OR2T12: variants seen among roughly 807,000 people sequenced by gnomAD.
OR2T12 encodes the protein olfactory receptor 2T12.
For synonymous variants in OR2T12, 127 were observed against 160.5 expected (o/e 0.79, Z 1.58); for missense variants, 335 against 404.3 (o/e 0.83, Z 1.47).
At position 248,295,383 on chromosome 1, in the gene OR2T12, G is replaced by A; in HGVS notation, c.196C>T (p.Leu66Phe). The change falls in exon 3 of 3, where the codon CTC becomes TTC. Residue 66 changes from leucine (L) to phenylalanine (F), a missense_variant. Leu to Phe is a conservative substitution (Grantham distance 22). Coordinates refer to ENST00000641276, the MANE Select transcript of OR2T12 (RefSeq NM_001004692.2). ...GTGGAAACCAGCATCATGTCCATGA[G>A]GGAAAGTTGGCTCAGGAGGAAGTAC... ...PMYFLLSQLS[L>F]MDMMLVSTTV... 1 of 1,585,772 alleles carries A rather than the reference G, an allele frequency of 6.3e-7. No individual in the cohort carries two copies. Among genetic ancestry groups the A allele is most frequent in the African/African-American group, 1.4e-5 (1 of 73,732 alleles).
chr1:248,294,397 G>T lies in OR2T12; in HGVS notation c.*219C>A. On this transcript the variant is annotated 3_prime_UTR_variant, in exon 3 of 3. Transcript: ENST00000641276. Reference sequence around the variant, plus strand: ...AAACTTATATCATGGGGTTGTTGTAGGATACAAAGTAATCTATAGGTATTA... The same window carrying T: ...AAACTTATATCATGGGGTTGTTGTATGATACAAAGTAATCTATAGGTATTA... The T allele has an allele frequency of 2.0e-6, 1 of 511,220 alleles. No individual in the cohort carries two copies. 31.7% of individuals were successfully genotyped at this position (511,220 alleles called of 1,614,324 possible).
rs754524455 is a variant in OR2T12 at position 248,302,039 on chromosome 1, T to TA, written c.-189-487dup. ...GAGACATTGAGAGGCCAGAACTTGA[T>TA]AAAAAAAAAAAAAAGAAGTGAAGCC... On this transcript the variant is annotated intron_variant, in intron 1 of 2. Coordinates refer to ENST00000641276, the MANE Select transcript of OR2T12 (RefSeq NM_001004692.2). Among the ~76,000 whole-genome samples the TA allele has an allele frequency of 3.3e-3, 429 of 131,088 alleles. 1 individual carries two copies. The highest frequency in any genetic ancestry group is 5.4e-3 in the African/African-American group (196 of 36,520). The allele number at this position is 131,088 out of a possible 152,430, so 86.0% of individuals were successfully genotyped here. A position where few individuals can be genotyped will look rare whatever the true frequency, so the allele number is the denominator to read the frequency against.
chr1:248,299,917 A>G (rs569471932), intron 2 of OR2T12, among the ~76,000 whole-genome samples: 9 of 152,272 alleles, frequency 5.9e-5, no homozygotes, highest in Admixed American at 5.2e-4. Flanking sequence ...AAACTGAACA[A>G]CCTGCTCCTG....
At position 248,294,896 on chromosome 1, in the gene OR2T12, G is replaced by C. The variant is rs746687390; in HGVS notation, c.683C>G (p.Ser228Cys). 16 of 1,611,998 alleles carry C rather than the reference G, an allele frequency of 9.9e-6. No individual in the cohort carries two copies. The highest frequency in any genetic ancestry group is 1.4e-5 in the Non-Finnish European group (16 of 1,179,866). ...LILAAVLLMR[S>C]TEARKKAFAT... ...AAAGGCCTTCTTGCGGGCTTCTGTA[G>C]AGCGCATGAGCAGAACAGCAGCGAG... The change falls in exon 3 of 3, where the codon TCT becomes TGT. Residue 228 changes from serine to cysteine, a missense_variant. By Grantham distance (112) the Ser-to-Cys change is moderately radical. Transcript: ENST00000641276.
chr1:248,303,214 A>C (rs1022219735), intron 1 of OR2T12, 132 bp downstream of exon 1: 1 of 152,186 alleles, frequency 6.6e-6, no homozygotes, highest in Non-Finnish European at 1.5e-5. Flanking sequence ...CATATTGTAC[A>C]GATAAAATAG....
chr1:248,295,051 G>A lies in OR2T12; in HGVS notation c.528C>T (p.Phe176=). The change falls in exon 3 of 3, where the codon TTC becomes TTT. Residue 176 remains phenylalanine (F), a synonymous_variant. Coordinates refer to ENST00000641276, the MANE Select transcript of OR2T12 (RefSeq NM_001004692.2). ...AACGCACCAACACGGGGGCCTCGCA[G>A]AAGAAGTGATCGATCTCGTGTGCAC... The part of the protein sequence containing the change: ...YCGAHEIDHF[F]CEAPVLVRLA... The A allele has an allele frequency of 6.3e-7, 1 of 1,587,050 alleles. No homozygotes were observed. The highest frequency in any genetic ancestry group is 1.1e-5 in the South Asian group (1 of 90,070).
chr1:248,302,500 T>C (rs770922516), intron 1 of OR2T12, among the ~76,000 whole-genome samples: 3 of 152,178 alleles, frequency 2.0e-5, no homozygotes, highest in Non-Finnish European at 4.4e-5. Context: ...CTGGTAATAT[T>C]TTAAAGCATT....
Position 248,294,768 on chromosome 1 carries a change from C to T in OR2T12, c.811G>A (p.Val271Ile), listed in dbSNP as rs1659689749. The change falls in exon 3 of 3, where the codon GTT (valine) becomes ATT (isoleucine). Residue 271 changes from valine to isoleucine, a missense_variant. Val to Ile is a conservative substitution (Grantham distance 29). Coordinates refer to ENST00000641276, the MANE Select transcript of OR2T12 (RefSeq NM_001004692.2). ...AACATAGTATAGAAGGCTGACACAACCTTATCGTGGTTAGTGGACCTGTGG... is the reference window on the plus strand; with the variant it reads ...AACATAGTATAGAAGGCTGACACAATCTTATCGTGGTTAGTGGACCTGTGG... ...KSHRSTNHDK[V>I]VSAFYTMFTP... 2 of 1,613,982 alleles carry T rather than the reference C, an allele frequency of 1.2e-6. No homozygotes were observed. The highest frequency in any genetic ancestry group is 1.3e-5 in the African/African-American group (1 of 74,998).
intron 2 of OR2T12, 108 bp from the exon 3 acceptor site, chr1:248,295,694 A>G: frequency 6.9e-7 from 1 of 1,445,124 alleles, no homozygotes; most frequent in Non-Finnish European, 9.3e-7. Flanking sequence ...ATGTTATCCC[A>G]GGTCGTGATT....
At position 248,294,638 on chromosome 1, in the gene OR2T12, T is replaced by A. The variant is rs200957219; in HGVS notation, c.941A>T (p.Asn314Ile). Residue 314 changes from asparagine to isoleucine, a missense_variant, in exon 3 of 3, where the codon AAT becomes ATT. Coordinates refer to ENST00000641276, the MANE Select transcript of OR2T12 (RefSeq NM_001004692.2). ...GTCVNLKHQQ[N>I]EAHRSR ...AGATCATCTTGACCTGTGGGCCTCA[T>A]TTTGCTGGTGTTTTAGGTTTACACA... 1.0e-4 allele frequency: 166 copies of A among 1,613,906 alleles called. No individual in the cohort carries two copies. Among genetic ancestry groups the A allele is most frequent in the Non-Finnish European group, 1.4e-4 (160 of 1,179,972 alleles).
chr1:248,292,889 G>T lies in OR2T12; in HGVS notation c.*1727C>A, dbSNP rs1307292285. On this transcript the variant is annotated 3_prime_UTR_variant, in exon 3 of 3. Transcript: ENST00000641276. ...CAACGTGTTCTAAAATAATTTCTCTGATGGTGCATGAACCTGGTATGAGTA... is the reference window on the plus strand; with the variant it reads ...CAACGTGTTCTAAAATAATTTCTCTTATGGTGCATGAACCTGGTATGAGTA... 6.6e-6 allele frequency: 1 copy of T among 152,062 alleles called. No individual in the cohort carries two copies. The highest frequency in any genetic ancestry group is 1.5e-5 in the Non-Finnish European group (1 of 67,966). 9.4% of individuals were successfully genotyped at this position (152,062 alleles called of 1,614,324 possible). A position where few individuals can be genotyped will look rare whatever the true frequency, so the allele number is the denominator to read the frequency against.
At chr1:248,297,328 G>C (rs542967139) in intron 2 of OR2T12, among the ~76,000 whole-genome samples, 75 of 152,254 alleles carry the variant, frequency 4.9e-4, no homozygotes, top group African/African-American at 1.7e-3. Flanking sequence ...GATTGACTTG[G>C]TGATGTGGGC....
chr1:248,300,287 T>C (rs955254791), intron 2 of OR2T12, among the ~76,000 whole-genome samples: 14 of 152,122 alleles, frequency 9.2e-5, no homozygotes, highest in African/African-American at 3.4e-4. Flanking sequence ...GAGATTAAAT[T>C]TGTGTCTTCG....
Position 248,299,312 on chromosome 1 carries a change from A to T in OR2T12, c.-9+2061T>A, listed in dbSNP as rs552416434. Reference sequence around the variant, plus strand: ...ACCCGTCTCACGTGCAGAGACACACATAGGCTCAAAATAAAAGGATGGAGG... The same window carrying T: ...ACCCGTCTCACGTGCAGAGACACACTTAGGCTCAAAATAAAAGGATGGAGG... On this transcript the variant is annotated intron_variant, in intron 2 of 2. Transcript: ENST00000641276. 7.9e-5 allele frequency among the ~76,000 whole-genome samples: 12 copies of T among 152,322 alleles called. No homozygotes were observed. The East Asian group carries it at 1.5e-3, about 20-fold the overall frequency.
At position 248,290,336 on chromosome 1, in the gene OR2T12, A is replaced by G. The variant is rs1449914121; in HGVS notation, c.*4280T>C. On this transcript the variant is annotated 3_prime_UTR_variant, in exon 3 of 3. Coordinates refer to ENST00000641276, the MANE Select transcript of OR2T12 (RefSeq NM_001004692.2). ...GTGTTTGGTTTTCTGTTCCTGTGTT[A>G]GTTTCCTGGGAATGATGGTCTCCAG... is the stretch of plus-strand genomic sequence containing the variant. 2 of 152,168 alleles carry G rather than the reference A, an allele frequency of 1.3e-5. No individual in the cohort carries two copies. The highest frequency in any genetic ancestry group is 2.9e-5 in the Non-Finnish European group (2 of 68,038). The allele number at this position is 152,168 out of a possible 1,614,324, so 9.4% of individuals were successfully genotyped here.
chr1:248,294,475 A>C lies in OR2T12; in HGVS notation c.*141T>G. On this transcript the variant is annotated 3_prime_UTR_variant, in exon 3 of 3. Coordinates refer to ENST00000641276, the MANE Select transcript of OR2T12 (RefSeq NM_001004692.2). ...CTCAAAAATGGTATCTGTCAATACA[A>C]TTGGCTCACTTCATTCTTAAAAATA... 2 of 1,121,802 alleles carry C rather than the reference A, an allele frequency of 1.8e-6. No homozygotes were observed. The highest frequency in any genetic ancestry group is 2.5e-6 in the Non-Finnish European group (2 of 788,086). 69.5% of individuals were successfully genotyped at this position (1,121,802 alleles called of 1,614,324 possible). A position where few individuals can be genotyped will look rare whatever the true frequency, so the allele number is the denominator to read the frequency against.
rs1455136226 is a variant in OR2T12 at position 248,290,675 on chromosome 1, A to T, written c.*3941T>A. 2 of 152,184 alleles carry T rather than the reference A, an allele frequency of 1.3e-5. No individual in the cohort carries two copies. Among genetic ancestry groups the T allele is most frequent in the South Asian group, 4.1e-4 (2 of 4,832 alleles). The allele number at this position is 152,184 out of a possible 1,614,324, so 9.4% of individuals were successfully genotyped here. A position where few individuals can be genotyped will look rare whatever the true frequency, so the allele number is the denominator to read the frequency against. ...TGGTTGAACTAATTTACACTCCCAA[A>T]ACAACATGGTAAAAGCGTTGCTATT... On this transcript the variant is annotated 3_prime_UTR_variant, in exon 3 of 3. Coordinates refer to ENST00000641276, the MANE Select transcript of OR2T12 (RefSeq NM_001004692.2).
In OR2T12 at chr1:248,291,292, A is replaced by G. The variant is rs779614371; in HGVS notation, c.*3324T>C. 13 of 151,962 alleles carry G rather than the reference A, an allele frequency of 8.6e-5. No homozygotes were observed. Among genetic ancestry groups the G allele is most frequent in the Non-Finnish European group, 1.8e-4 (12 of 68,026 alleles). 9.4% of individuals were successfully genotyped at this position (151,962 alleles called of 1,614,324 possible). A position where few individuals can be genotyped will look rare whatever the true frequency, so the allele number is the denominator to read the frequency against. On this transcript the variant is annotated 3_prime_UTR_variant, in exon 3 of 3. Transcript: ENST00000641276. ...GTAAAAATCACAAGCTTTCCCATAC[A>G]CCAATAATAGACAGAGAGCCAAATC...
Position 248,291,119 on chromosome 1 carries a change from C to G in OR2T12, c.*3497G>C, listed in dbSNP as rs1659627894. The G allele has an allele frequency of 6.6e-6, 1 of 151,344 alleles. No homozygotes were observed. The highest frequency in any genetic ancestry group is 2.1e-4 in the South Asian group (1 of 4,808). The allele number at this position is 151,344 out of a possible 1,614,324, so 9.4% of individuals were successfully genotyped here. A position where few individuals can be genotyped will look rare whatever the true frequency, so the allele number is the denominator to read the frequency against. On this transcript the variant is annotated 3_prime_UTR_variant, in exon 3 of 3. Coordinates refer to ENST00000641276, the MANE Select transcript of OR2T12 (RefSeq NM_001004692.2). ...CCATTCTCTAAGTTGCCTGTTTACT[C>G]TGATGAATCCAAAGGAAGAGAGGAA...
Sources: gnomAD v4.1 joint callset for allele counts (sites outside exome capture counted in the v4.1 genomes callset) on GRCh38, gnomAD v4.1.1 for gene constraint, MANE v1.5 for transcripts, NCBI Gene and HGNC (gene_info 2026-07-23, HGNC 2026-07-21) for gene names.